CBX2: variants seen among roughly 807,000 people sequenced by gnomAD.
CBX2 encodes the protein chromobox protein homolog 2.
CBX2 carries 11 observed loss-of-function variants against 21.0 expected under a neutral mutation model. That is an observed-to-expected ratio of 0.52 (90% confidence interval 0.33 to 0.87). The LOEUF (loss-of-function observed/expected upper bound fraction) is 0.87. CBX2 is among the 40% of genes least tolerant of loss of function. The probability of loss-of-function intolerance (pLI) is 0.02; values close to 1 mark genes in which losing one functional copy is unlikely to be tolerated. For missense variants in CBX2, 746 were observed against 724.3 expected (o/e 1.03, Z -0.34); for synonymous variants, 364 against 304.6 (o/e 1.19, Z -2.03).
chr17:79,782,758 G>A (rs561771413), intron 4 of CBX2, among the ~76,000 whole-genome samples: 10 of 152,300 alleles, frequency 6.6e-5, no homozygotes, highest in African/African-American at 2.2e-4. Flanking sequence ...GTTTGAGGAG[G>A]TTTGAGGAGA....
rs1376936452 is a variant in CBX2 at position 79,778,985 on chromosome 17, C to T, written c.117-377C>T. ...TCTCGGGCTGGGCGCCTGTGCCCCTCCCTGCATGCTGGACCTGCCTTCCCT... is the reference window on the plus strand; with the variant it reads ...TCTCGGGCTGGGCGCCTGTGCCCCTTCCTGCATGCTGGACCTGCCTTCCCT... On this transcript the variant is annotated intron_variant, in intron 2 of 4. Transcript: ENST00000310942. This position sits in a 1 kb window ranked among gnomAD's most constrained non-coding sequence, Gnocchi z 4.8. Among the ~76,000 whole-genome samples, 2 of 152,192 alleles carry T rather than the reference C, an allele frequency of 1.3e-5. No individual in the cohort carries two copies. The highest frequency in any genetic ancestry group is 6.5e-5 in the Admixed American group (1 of 15,290).
Position 79,785,113 on chromosome 17 carries a change from C to G in CBX2, c.*71C>G. ...TATGGTGTCGCTTGGCTAAGTGACT[C>G]CCAGCCCAAGCCCCCTCAAGAGTCT... On this transcript the variant is annotated 3_prime_UTR_variant, in exon 5 of 5. Coordinates refer to ENST00000310942, the MANE Select transcript of CBX2 (RefSeq NM_005189.3). 1 of 1,342,514 alleles carries G rather than the reference C, an allele frequency of 7.4e-7. No individual in the cohort carries two copies. Among genetic ancestry groups the G allele is most frequent in the Middle Eastern group, 2.1e-4 (1 of 4,810 alleles). The allele number at this position is 1,342,514 out of a possible 1,614,324, so 83.2% of individuals were successfully genotyped here.
Position 79,787,260 on chromosome 17 carries a change from C to T in CBX2, c.*2218C>T, listed in dbSNP as rs1907701607. ...TCTCCAAGCCCTTGGGGTGACTCGG[C>T]TTCCAGGAGCTGTTGGAGAAATGAG... On this transcript the variant is annotated 3_prime_UTR_variant, in exon 5 of 5. Transcript: ENST00000310942. The T allele has an allele frequency of 1.3e-5, 2 of 152,630 alleles. No individual in the cohort carries two copies. Among genetic ancestry groups the T allele is most frequent in the African/African-American group, 4.8e-5 (2 of 41,474 alleles). The allele number at this position is 152,630 out of a possible 1,614,324, so 9.5% of individuals were successfully genotyped here.
chr17:79,782,525 T>C (rs1298152765), intron 4 of CBX2: 3 of 1,162,164 alleles, frequency 2.6e-6, no homozygotes, highest in Non-Finnish European at 3.2e-6. Context: ...CTCCGGGCAC[T>C]GTCCCTGGAC....
intron 4 of CBX2, among the ~76,000 whole-genome samples, chr17:79,783,439 T>G (rs1264678456): frequency 6.6e-6 from 1 of 150,724 alleles, no homozygotes; most frequent in African/African-American, 2.4e-5. Flanking sequence ...AGACGTAGTC[T>G]CGCTCTGTCG....
At chr17:79,781,391 C>T (rs1467259783) in intron 3 of CBX2, among the ~76,000 whole-genome samples, 1 of 152,136 alleles carries the variant, frequency 6.6e-6, no homozygotes, top group Admixed American at 6.5e-5. Flanking sequence ...CTAGAATTTC[C>T]ATGCAGCAGT....
intron 3 of CBX2, 182 bp downstream of exon 3, chr17:79,779,609 C>G: frequency 1.6e-6 from 1 of 629,766 alleles, no homozygotes; most frequent in South Asian, 1.8e-5. Context: ...CAGCCCCTCT[C>G]CCACCTTCTC....
Position 79,784,991 on chromosome 17 carries a change from A to G in CBX2, c.1548A>G (p.Thr516=). Residue 516 remains threonine (T), a synonymous_variant, in exon 5 of 5, where the codon ACA becomes ACG. Coordinates refer to ENST00000310942, the MANE Select transcript of CBX2 (RefSeq NM_005189.3). This position sits in a 1 kb window ranked among gnomAD's most constrained non-coding sequence, Gnocchi z 5.9. Reference sequence around the variant, plus strand: ...TCACTGCCAACCTCATCACCGTCACAGTGAAGGAGTCTCCCACCAGCGTGG... The same window carrying G: ...TCACTGCCAACCTCATCACCGTCACGGTGAAGGAGTCTCCCACCAGCGTGG... ...TDVTANLITV[T]VKESPTSVGF... 1 of 1,605,744 alleles carries G rather than the reference A, an allele frequency of 6.2e-7. No individual in the cohort carries two copies. Among genetic ancestry groups the G allele is most frequent in the Non-Finnish European group, 8.5e-7 (1 of 1,179,978 alleles).
intron 3 of CBX2, chr17:79,779,788 C>A (rs1598220773): frequency 3.1e-6 from 1 of 320,964 alleles, no homozygotes; most frequent in African/African-American, 2.1e-5. Flanking sequence ...AACAGAAAAC[C>A]AGGAGAGCAG....
intron 4 of CBX2, chr17:79,782,512 C>G: frequency 1.7e-6 from 2 of 1,174,730 alleles, no homozygotes; most frequent in Non-Finnish European, 2.1e-6. Flanking sequence ...CTTTGATTCC[C>G]TCCTCCGGGC....
Position 79,784,025 on chromosome 17 carries a change from G to A in CBX2, c.582G>A (p.Gly194=), listed in dbSNP as rs782527772. ...TGAAGACCGCCCGGAAGGATCTGGG[G>A]GCCCCGGCCAGCAAGCTGCCCCCTC... ...KVLKTARKDL[G]APASKLPPPL... is the part of the protein sequence containing the mutation. The change falls in exon 5 of 5, where the codon GGG becomes GGA. Residue 194 remains glycine (G), a synonymous_variant. Transcript: ENST00000310942. This position sits in a 1 kb window ranked among gnomAD's most constrained non-coding sequence, Gnocchi z 5.9. The A allele has an allele frequency of 5.0e-6, 8 of 1,613,032 alleles. No individual in the cohort carries two copies. The highest frequency in any genetic ancestry group is 1.7e-5 in the Admixed American group (1 of 60,028).
intron 4 of CBX2, chr17:79,782,400 G>A (rs1440549670): frequency 2.2e-6 from 3 of 1,375,174 alleles, no homozygotes; most frequent in East Asian, 5.8e-5. Flanking sequence ...CCACAGGTAT[G>A]CATGCGCCCC....
chr17:79,784,917 G>A lies in CBX2; in HGVS notation c.1474G>A (p.Asp492Asn). Residue 492 changes from aspartate (D) to asparagine (N), a missense_variant, in exon 5 of 5, where the codon GAC becomes AAC. Coordinates refer to ENST00000310942, the MANE Select transcript of CBX2 (RefSeq NM_005189.3). The surrounding 1 kb of genome is among the most constrained non-coding windows in gnomAD (Gnocchi z 5.9). ...GTCAGTGTCCGTTCAGACCAGCCAGGACTGGAAGCCCACCCGCAGCCTCAT... is the reference window on the plus strand; with the variant it reads ...GTCAGTGTCCGTTCAGACCAGCCAGAACTGGAAGCCCACCCGCAGCCTCAT... ...NPSVSVQTSQ[D>N]WKPTRSLIEH... is the part of the protein sequence containing the mutation. 3.1e-6 allele frequency: 5 copies of A among 1,613,412 alleles called. No homozygotes were observed. The highest frequency in any genetic ancestry group is 4.2e-6 in the Non-Finnish European group (5 of 1,180,048).
At chr17:79,783,400 TCTC>T (rs1555830858) in intron 4 of CBX2, among the ~76,000 whole-genome samples, 1 of 148,878 alleles carries the variant, frequency 6.7e-6, no homozygotes, top group African/African-American at 2.5e-5. Context: ...TGTGACACCT[TCTC>T]CTTTATCTTT....
chr17:79,782,820 C>G (rs1907334521), intron 4 of CBX2, among the ~76,000 whole-genome samples: 1 of 152,170 alleles, frequency 6.6e-6, no homozygotes, highest in African/African-American at 2.4e-5. Context: ...GGTGTTGGAT[C>G]TGACTCCTAA....
At chr17:79,781,459 C>T (rs1047635017) in intron 3 of CBX2, among the ~76,000 whole-genome samples, 4 of 152,162 alleles carry the variant, frequency 2.6e-5, no homozygotes, top group East Asian at 1.9e-4. Context: ...GTTTTCCCAG[C>T]GTTGCTTTCC....
At chr17:79,783,349 G>A (rs1907375877) in intron 4 of CBX2, among the ~76,000 whole-genome samples, 1 of 152,162 alleles carries the variant, frequency 6.6e-6, no homozygotes, top group African/African-American at 2.4e-5. Flanking sequence ...GTTCCTTGGG[G>A]ACAGCATGGC....
In CBX2 at chr17:79,784,081, C is replaced by T. The variant is rs1444578425; in HGVS notation, c.638C>T (p.Ala213Val). ...AGCGCCCCCGTTGCAGGCCTGGCAG[C>T]TCTGAAGGCCCACGCCAAGGAGGCC... is the stretch of plus-strand genomic sequence containing the variant. The part of the protein sequence containing the change: ...PLSAPVAGLA[A>V]LKAHAKEACG... Residue 213 changes from alanine (A) to valine (V), a missense_variant, in exon 5 of 5, where the codon GCT becomes GTT. Coordinates refer to ENST00000310942, the MANE Select transcript of CBX2 (RefSeq NM_005189.3). The surrounding 1 kb of genome is among the most constrained non-coding windows in gnomAD (Gnocchi z 5.9). 6.2e-7 allele frequency: 1 copy of T among 1,612,180 alleles called. No individual in the cohort carries two copies. Among genetic ancestry groups the T allele is most frequent in the African/African-American group, 1.3e-5 (1 of 74,952 alleles).
Position 79,784,160 on chromosome 17 carries a change from G to C in CBX2, c.717G>C (p.Lys239Asn). Residue 239 changes from lysine to asparagine, a missense_variant, in exon 5 of 5, where the codon AAG becomes AAC. By Grantham distance (94) the Lys-to-Asn change is moderately conservative (BLOSUM62 0). Coordinates refer to ENST00000310942, the MANE Select transcript of CBX2 (RefSeq NM_005189.3). This position sits in a 1 kb window ranked among gnomAD's most constrained non-coding sequence, Gnocchi z 5.9. The part of the protein sequence containing the change: ...ATPENLASLM[K>N]GMASSPGRGG... ...CAGAGAACCTGGCCAGCCTAATGAA[G>C]GGCATGGCCAGTAGCCCCGGCCGGG... The C allele has an allele frequency of 6.2e-7, 1 of 1,612,708 alleles. No individual in the cohort carries two copies. Among genetic ancestry groups the C allele is most frequent in the South Asian group, 1.1e-5 (1 of 91,084 alleles).
Sources: gnomAD v4.1 joint callset for allele counts (sites outside exome capture counted in the v4.1 genomes callset) on GRCh38, gnomAD v4.1.1 for gene constraint, Gnocchi (gnomAD v3.1) non-coding constraint, MANE v1.5 for transcripts, NCBI Gene and HGNC (gene_info 2026-07-23, HGNC 2026-07-21) for gene names.